The following HEMK2 variants were observed in gnomAD, a reference collection of about 807,000 sequenced individuals.
HEMK2 encodes methyltransferase HEMK2.
chr21:28,724,029 C>G, the HEMK2 span, among the ~76,000 whole-genome samples: 1 of 152,224 alleles, frequency 6.6e-6, no homozygotes, highest in Non-Finnish European at 1.5e-5. Context: ...TTCATCTTCA[C>G]AGATGGAAGA....
At chr21:28,710,769 C>A in the HEMK2 span, among the ~76,000 whole-genome samples, 1 of 152,132 alleles carries the variant, frequency 6.6e-6, no homozygotes, top group Non-Finnish European at 1.5e-5. Flanking sequence ...ATCAAGTGAT[C>A]CTGTCTCAAT....
At chr21:28,820,611 T>C in the HEMK2 span, among the ~76,000 whole-genome samples, 2 of 152,226 alleles carry the variant, frequency 1.3e-5, no homozygotes, top group Non-Finnish European at 2.9e-5. Context: ...CATTGGAATA[T>C]TGGACAATCA....
chr21:28,775,475 CAT>C, the HEMK2 span, among the ~76,000 whole-genome samples: 8 of 151,986 alleles, frequency 5.3e-5, no homozygotes, highest in African/African-American at 7.3e-5. Context: ...AATATACACA[CAT>C]GTGTAAAAGT....
chr21:28,657,884 C>T, the HEMK2 span, among the ~76,000 whole-genome samples: 1 of 151,912 alleles, frequency 6.6e-6, no homozygotes, highest in Non-Finnish European at 1.5e-5. Flanking sequence ...GGGCTATTAA[C>T]TGTATAACAT....
At chr21:28,802,572 A>G in the HEMK2 span, among the ~76,000 whole-genome samples, 6 of 152,028 alleles carry the variant, frequency 3.9e-5, no homozygotes, top group African/African-American at 7.2e-5. Context: ...TACTAAAAAA[A>G]ACACAAAAAT....
chr21:28,793,809 GAGA>G, the HEMK2 span, among the ~76,000 whole-genome samples: 1 of 152,112 alleles, frequency 6.6e-6, no homozygotes, highest in Non-Finnish European at 1.5e-5. Context: ...AAAAAACAGG[GAGA>G]AGGAGTCAAA....
the HEMK2 span, among the ~76,000 whole-genome samples, chr21:28,676,974 C>T: frequency 8.0e-3 from 1,213 of 152,246 alleles, 19 homozygotes; most frequent in African/African-American, 0.027. Context: ...GCGTGAGCGA[C>T]GCAAAAGATG....
the HEMK2 span, among the ~76,000 whole-genome samples, chr21:28,704,569 A>T: frequency 6.7e-6 from 1 of 150,194 alleles, no homozygotes; most frequent in African/African-American, 2.5e-5. Flanking sequence ...AAAAAAAAAA[A>T]AAAAAAAAAC....
chr21:28,635,605 G>C, the HEMK2 span, among the ~76,000 whole-genome samples: 3 of 152,064 alleles, frequency 2.0e-5, no homozygotes, highest in Non-Finnish European at 4.4e-5. Context: ...TGTGTACCAA[G>C]CATGGTTCTA....
chr21:28,733,896 C>T, the HEMK2 span, among the ~76,000 whole-genome samples: 2 of 152,256 alleles, frequency 1.3e-5, no homozygotes, highest in Non-Finnish European at 2.9e-5. Context: ...AACGGCAGCG[C>T]TATTGCTGAT....
chr21:28,746,959 C>T, the HEMK2 span, among the ~76,000 whole-genome samples: 2 of 152,140 alleles, frequency 1.3e-5, no homozygotes, highest in African/African-American at 2.4e-5. Context: ...AAGATCACTC[C>T]GGCTGCTCCA....
the HEMK2 span, among the ~76,000 whole-genome samples, chr21:28,736,785 G>A: frequency 1.5e-5 from 2 of 133,148 alleles, no homozygotes; most frequent in South Asian, 4.9e-4. Flanking sequence ...TCTGTATTTG[G>A]ATACAATTAA....
At chr21:28,613,109 T>C in the HEMK2 span, among the ~76,000 whole-genome samples, 4 of 152,080 alleles carry the variant, frequency 2.6e-5, no homozygotes, top group African/African-American at 7.2e-5. Context: ...GATAGATAGA[T>C]AGATAGATAG....
chr21:28,605,031 G>C, the HEMK2 span, among the ~76,000 whole-genome samples: 1 of 152,170 alleles, frequency 6.6e-6, no homozygotes, highest in African/African-American at 2.4e-5. Context: ...CTGATTTTAG[G>C]CATGTATCAT....
the HEMK2 span, among the ~76,000 whole-genome samples, chr21:28,852,604 A>G: frequency 1.3e-5 from 2 of 152,210 alleles, no homozygotes; most frequent in African/African-American, 4.8e-5. Flanking sequence ...TTAACAGCAT[A>G]AATTGTCAGT....
the HEMK2 span, among the ~76,000 whole-genome samples, chr21:28,831,662 AGAAAGAAAGAAAGAAAGAAAGAAG>A: frequency 1.8e-4 from 10 of 54,374 alleles, no homozygotes; most frequent in South Asian, 2.1e-3. Flanking sequence ...AAAGAAAGAA[AGAAAGAAAGAAAGAAAGAAAGAAG>A]GAAGGAAGGA....
chr21:28,879,084 T>C, the HEMK2 span, among the ~76,000 whole-genome samples: 5 of 32,052 alleles, frequency 1.6e-4, no homozygotes, highest in African/African-American at 3.3e-4. Context: ...TTGTTTCTTT[T>C]TTTTTTTTTT....
chr21:28,864,075 C>G, the HEMK2 span, among the ~76,000 whole-genome samples: 1 of 152,190 alleles, frequency 6.6e-6, no homozygotes, highest in Non-Finnish European at 1.5e-5. Flanking sequence ...AAGTGATCCA[C>G]CCACCTTGGC....
At chr21:28,751,675 TTTTG>T in the HEMK2 span, among the ~76,000 whole-genome samples, 25 of 152,298 alleles carry the variant, frequency 1.6e-4, no homozygotes, top group African/African-American at 4.6e-4. Context: ...AGCAAAAGTT[TTTTG>T]TTTGTTTGTT....
Sources: gnomAD v4.1 joint callset for allele counts (sites outside exome capture counted in the v4.1 genomes callset) on GRCh38, gnomAD v4.1.1 for gene constraint, MANE v1.5 for transcripts, NCBI Gene and HGNC (gene_info 2026-07-23, HGNC 2026-07-21) for gene names.